Variants in TMCO5A observed in about 807,000 individuals in gnomAD.
TMCO5A encodes transmembrane and coiled-coil domain-containing protein 5A.
In TMCO5A, 34 loss-of-function variants were observed where a neutral mutation model predicts 42.3. That is an observed-to-expected ratio of 0.80 (90% CI 0.61 to 1.07). The LOEUF is 1.07. Ranked by LOEUF, TMCO5A falls within the 50% of genes least tolerant of loss-of-function variation. The pLI, the probability that TMCO5A is intolerant of heterozygous loss-of-function variation, is 0.00. For missense variants in TMCO5A, 357 were observed against 327.9 expected, an observed-to-expected ratio of 1.09 and a Z score of -0.69; for synonymous variants, 131 against 115.6, an observed-to-expected ratio of 1.13 and a Z score of -0.86.
chr15:37,958,834 G>T (rs984332777), intron 11 of TMCO5A, among the ~76,000 whole-genome samples: 2 of 152,056 alleles, frequency 1.3e-5, no homozygotes, highest in African/African-American at 4.8e-5. Flanking sequence ...GTTTACTGTG[G>T]CACTGTTCAC....
intron 11 of TMCO5A, among the ~76,000 whole-genome samples, chr15:37,960,034 G>T (rs1238529428): frequency 6.6e-6 from 1 of 151,944 alleles, no homozygotes; most frequent in Non-Finnish European, 1.5e-5. Flanking sequence ...ATAAGTTATT[G>T]GGGTACAGTT....
chr15:37,994,064 C>G, the TMCO5A span, among the ~76,000 whole-genome samples: 1 of 152,118 alleles, frequency 6.6e-6, no homozygotes, highest in Non-Finnish European at 1.5e-5. Flanking sequence ...ATTGGGGAAC[C>G]AACCTTAACT....
chr15:37,938,575 T>C (rs1174072803), intron 6 of TMCO5A, among the ~76,000 whole-genome samples: 3 of 152,078 alleles, frequency 2.0e-5, no homozygotes, highest in Non-Finnish European at 2.9e-5. Flanking sequence ...CAAGATTAAA[T>C]GAAATTGTGT....
exon 12 of TMCO5A, chr15:37,966,845 T>A (rs770483132): frequency 1.6e-6 from 1 of 610,444 alleles, no homozygotes; most frequent in Non-Finnish European, 2.9e-6. Flanking sequence ...TTATGTCATA[T>A]GTTCAGCCCC....
rs1291838973 is a variant in TMCO5A at position 37,947,638 on chromosome 15, T to C, written c.628-18T>C. ...CCTCCAGAAATTGCTTATTTATCAA[T>C]ATCCTTTCTTCTTCCAGGGTACTCC... On this transcript the variant is annotated intron_variant, in intron 10 of 11. Coordinates refer to ENST00000319669, the MANE Select transcript of TMCO5A (RefSeq NM_152453.4). 5 of 1,567,926 alleles carry C rather than the reference T, an allele frequency of 3.2e-6. No homozygotes were observed. Among genetic ancestry groups the C allele is most frequent in the Non-Finnish European group, 3.5e-6 (4 of 1,144,660 alleles).
the TMCO5A span, among the ~76,000 whole-genome samples, chr15:37,999,558 A>G: frequency 2.6e-5 from 4 of 152,200 alleles, no homozygotes; most frequent in Admixed American, 2.0e-4. Flanking sequence ...TAGGATTTCT[A>G]GTACTATGTT....
chr15:37,968,709 A>C (rs990316422), downstream of TMCO5A, among the ~76,000 whole-genome samples: 2 of 151,350 alleles, frequency 1.3e-5, no homozygotes, highest in Non-Finnish European at 2.9e-5. Context: ...CAGCCTCCCA[A>C]GTAGCTGGGG....
the TMCO5A span, among the ~76,000 whole-genome samples, chr15:38,008,255 G>A: frequency 2.6e-5 from 4 of 152,042 alleles, no homozygotes; most frequent in African/African-American, 4.8e-5. Context: ...GATTGCTGAA[G>A]AAATTCGTCA....
At chr15:37,981,295 T>C in the TMCO5A span, among the ~76,000 whole-genome samples, 2 of 150,926 alleles carry the variant, frequency 1.3e-5, no homozygotes. Context: ...TAGAAGGAGA[T>C]TCAGTGGTAT....
chr15:37,947,703 A>T lies in TMCO5A; in HGVS notation c.668+7A>T. 1 of 1,584,332 alleles carries T rather than the reference A, an allele frequency of 6.3e-7. No homozygotes were observed. Among genetic ancestry groups the T allele is most frequent in the Non-Finnish European group, 8.6e-7 (1 of 1,157,134 alleles). Reference sequence around the variant, plus strand: ...CAAGATTATTCAGTAAAAAGTAAGTAAAATATCTTCAGGTAAACTTCCTAT... The same window carrying T: ...CAAGATTATTCAGTAAAAAGTAAGTTAAATATCTTCAGGTAAACTTCCTAT... On this transcript the variant is annotated splice_region_variant and intron_variant, in intron 11 of 11. Coordinates refer to ENST00000319669, the MANE Select transcript of TMCO5A (RefSeq NM_152453.4).
chr15:37,954,581 A>T (rs1890237678), downstream of TMCO5A, among the ~76,000 whole-genome samples: 1 of 152,130 alleles, frequency 6.6e-6, no homozygotes, highest in Non-Finnish European at 1.5e-5. Flanking sequence ...AAAGAAAAGG[A>T]CATTAATGAG....
chr15:37,997,481 C>G, the TMCO5A span, among the ~76,000 whole-genome samples: 2 of 152,116 alleles, frequency 1.3e-5, no homozygotes, highest in African/African-American at 4.8e-5. Flanking sequence ...TCTTTCCCTC[C>G]TTGGCCTATT....
chr15:38,011,335 C>T, the TMCO5A span, among the ~76,000 whole-genome samples: 2 of 152,140 alleles, frequency 1.3e-5, no homozygotes, highest in Non-Finnish European at 2.9e-5. Flanking sequence ...TCACACGTGT[C>T]CCTTCATACA....
At chr15:37,974,638 C>CT in the TMCO5A span, among the ~76,000 whole-genome samples, 2,113 of 152,112 alleles carry the variant, frequency 0.014, 58 homozygotes, top group African/African-American at 0.048. Context: ...TGGATCTTCT[C>CT]TTTTTTTCTT....
chr15:38,015,763 G>A, the TMCO5A span, among the ~76,000 whole-genome samples: 1 of 152,202 alleles, frequency 6.6e-6, no homozygotes, highest in Non-Finnish European at 1.5e-5. Flanking sequence ...AAAAAGAGAT[G>A]GAGGAATCTT....
chr15:37,980,838 A>G, the TMCO5A span, among the ~76,000 whole-genome samples: 2 of 151,932 alleles, frequency 1.3e-5, no homozygotes, highest in African/African-American at 4.8e-5. Context: ...ACAAATCCAC[A>G]CCCTCTAAAC....
Position 37,942,291 on chromosome 15 carries a change from G to A in TMCO5A, c.569+36G>A, listed in dbSNP as rs758952705. The A allele has an allele frequency of 1.0e-5, 16 of 1,600,514 alleles. No homozygotes were observed. In the East Asian group the frequency reaches 1.8e-4, roughly 18 times the overall value. ...GCAAAGGAACATCCTGGTTTTGGTA[G>A]AAACTCCATCTCAGCCTGAGTCAGA... On this transcript the variant is annotated intron_variant, in intron 9 of 11. Transcript: ENST00000319669.
chr15:38,001,420 T>C, the TMCO5A span, among the ~76,000 whole-genome samples: 1 of 150,052 alleles, frequency 6.7e-6, no homozygotes, highest in African/African-American at 2.5e-5. Context: ...TTATAGGCAA[T>C]AGATCATTGG....
At chr15:38,033,639 T>A in the TMCO5A span, among the ~76,000 whole-genome samples, 1 of 151,790 alleles carries the variant, frequency 6.6e-6, no homozygotes, top group Admixed American at 6.6e-5. Flanking sequence ...TTGTTTTTTG[T>A]TTTTAGAGAG....
Sources: gnomAD v4.1 joint callset for allele counts (sites outside exome capture counted in the v4.1 genomes callset) on GRCh38, gnomAD v4.1.1 for gene constraint, MANE v1.5 for transcripts, NCBI Gene and HGNC (gene_info 2026-07-23, HGNC 2026-07-21) for gene names.